Variants in CSMD1 observed in about 807,000 individuals in gnomAD.
CSMD1 encodes CUB and Sushi multiple domains 1.
CSMD1 carries 213 observed loss-of-function variants against 417.5 expected under a neutral mutation model. The ratio of observed to expected loss-of-function variants is 0.51; its 90% CI spans 0.46 to 0.57. CSMD1 has a LOEUF of 0.57. Among genes scored for constraint, CSMD1 ranks in the 20% least tolerant of loss-of-function variants. The pLI is 0.00. For missense variants in CSMD1, 6,923 were observed against 4,529.7 expected, an observed-to-expected ratio of 1.53 and a Z score of -15.17; for synonymous variants, 2,862 against 1,736.8, an observed-to-expected ratio of 1.65 and a Z score of -16.11.
intron 3 of CSMD1, among the ~76,000 whole-genome samples, chr8:4,178,402 A>C (rs1488632177): frequency 2.0e-5 from 3 of 151,012 alleles, no homozygotes; most frequent in Non-Finnish European, 4.4e-5. Flanking sequence ...AAAAACTCTC[A>C]ATAAATTAGG....
At chr8:4,986,957 T>G (rs1330574963) in intron 1 of CSMD1, among the ~76,000 whole-genome samples, 1 of 152,128 alleles carries the variant, frequency 6.6e-6, no homozygotes, top group Non-Finnish European at 1.5e-5. Context: ...CTATCTATAT[T>G]TAAAATATAT....
intron 5 of CSMD1, among the ~76,000 whole-genome samples, chr8:3,791,095 T>C (rs1295897108): frequency 6.6e-6 from 1 of 152,210 alleles, no homozygotes; most frequent in Non-Finnish European, 1.5e-5. Flanking sequence ...ATAAAATCAG[T>C]GTGATGGAAC....
At chr8:4,037,439 A>G (rs966905934) in intron 3 of CSMD1, among the ~76,000 whole-genome samples, 5 of 152,198 alleles carry the variant, frequency 3.3e-5, no homozygotes, top group African/African-American at 1.2e-4. Flanking sequence ...TTTCTGGGGC[A>G]TCTTAGACCA....
At chr8:4,647,529 T>C (rs1803612506) in intron 1 of CSMD1, among the ~76,000 whole-genome samples, 1 of 152,170 alleles carries the variant, frequency 6.6e-6, no homozygotes, top group South Asian at 2.1e-4. Flanking sequence ...GGTTGTTTGC[T>C]GCACCTATTG....
intron 5 of CSMD1, among the ~76,000 whole-genome samples, chr8:3,758,735 C>G (rs1473545490): frequency 6.6e-6 from 1 of 152,162 alleles, no homozygotes; most frequent in Non-Finnish European, 1.5e-5. Flanking sequence ...GACAGATCCC[C>G]AAGCCCCGAG....
intron 51 of CSMD1, among the ~76,000 whole-genome samples, chr8:3,025,107 G>T (rs1253609198): frequency 1.3e-5 from 2 of 151,176 alleles, no homozygotes; most frequent in African/African-American, 4.9e-5. Flanking sequence ...ACTGTGTATT[G>T]TGTGGTGTTA....
intron 3 of CSMD1, among the ~76,000 whole-genome samples, chr8:4,319,083 C>G (rs578155803): frequency 6.6e-6 from 1 of 152,168 alleles, no homozygotes; most frequent in African/African-American, 2.4e-5. Flanking sequence ...TAGTAGTCCT[C>G]ACATATACAT....
intron 52 of CSMD1, among the ~76,000 whole-genome samples, chr8:3,004,628 G>C (rs1019082846): frequency 6.6e-6 from 1 of 152,188 alleles, no homozygotes; most frequent in Non-Finnish European, 1.5e-5. Context: ...TTTGCTTTTA[G>C]CTCAAGCACG....
At chr8:4,054,062 A>G (rs974289434) in intron 3 of CSMD1, among the ~76,000 whole-genome samples, 2 of 152,082 alleles carry the variant, frequency 1.3e-5, no homozygotes, top group African/African-American at 4.8e-5. Flanking sequence ...GCCAAATGCT[A>G]CTCCTATCTC....
intron 1 of CSMD1, among the ~76,000 whole-genome samples, chr8:4,986,320 C>G (rs1272318902): frequency 1.3e-5 from 2 of 152,114 alleles, no homozygotes; most frequent in Non-Finnish European, 2.9e-5. Flanking sequence ...CCCCGACATC[C>G]TTTACAGGAA....
intron 5 of CSMD1, among the ~76,000 whole-genome samples, chr8:3,839,145 T>G (rs1315295169): frequency 7.9e-6 from 1 of 126,736 alleles, no homozygotes; most frequent in African/African-American, 2.9e-5. Flanking sequence ...ATATATATAG[T>G]CTATATATCT....
At chr8:3,480,931 C>T (rs551306443) in intron 11 of CSMD1, among the ~76,000 whole-genome samples, 31 of 151,776 alleles carry the variant, frequency 2.0e-4, no homozygotes, top group South Asian at 6.3e-4. Flanking sequence ...CCGAGGTGAG[C>T]GGATCACAAG....
chr8:3,292,904 G>A (rs1803683658), intron 25 of CSMD1, among the ~76,000 whole-genome samples: 1 of 151,884 alleles, frequency 6.6e-6, no homozygotes, highest in Non-Finnish European at 1.5e-5. Context: ...GTTAGTTGAT[G>A]CAGTTTCTTC....
intron 5 of CSMD1, among the ~76,000 whole-genome samples, chr8:3,908,993 C>G (rs1390785451): frequency 6.6e-6 from 1 of 152,194 alleles, no homozygotes; most frequent in Non-Finnish European, 1.5e-5. Flanking sequence ...CTACAGTGTT[C>G]TCCTTCACTA....
chr8:4,815,657 T>C (rs138673492), intron 1 of CSMD1, among the ~76,000 whole-genome samples: 2,004 of 136,714 alleles, frequency 0.015, 12 homozygotes, highest in Middle Eastern at 0.045. Flanking sequence ...GGCTGCACCA[T>C]TGCATTCCAG....
At chr8:4,289,051 A>T (rs539589911) in intron 3 of CSMD1, among the ~76,000 whole-genome samples, 1 of 152,186 alleles carries the variant, frequency 6.6e-6, no homozygotes, top group South Asian at 2.1e-4. Flanking sequence ...ATGAGCATAA[A>T]AACAGTGCAC....
chr8:4,984,156 T>C (rs1811051775), intron 1 of CSMD1, among the ~76,000 whole-genome samples: 1 of 152,194 alleles, frequency 6.6e-6, no homozygotes, highest in African/African-American at 2.4e-5. Flanking sequence ...CAGTGTCCTG[T>C]TGGTATTACA....
chr8:3,662,891 G>C (rs1051738060), intron 7 of CSMD1, among the ~76,000 whole-genome samples: 1 of 152,092 alleles, frequency 6.6e-6, no homozygotes, highest in African/African-American at 2.4e-5. Context: ...TAATGCATGA[G>C]AGGCTTAAAA....
chr8:4,058,860 A>T (rs149370011), intron 3 of CSMD1, among the ~76,000 whole-genome samples: 2 of 151,554 alleles, frequency 1.3e-5, no homozygotes, highest in Non-Finnish European at 2.9e-5. Flanking sequence ...TTAACACACC[A>T]CTGTCAACAT....
Sources: gnomAD v4.1 joint callset for allele counts (sites outside exome capture counted in the v4.1 genomes callset) on GRCh38, gnomAD v4.1.1 for gene constraint, MANE v1.5 for transcripts, NCBI Gene and HGNC (gene_info 2026-07-23, HGNC 2026-07-21) for gene names.